The following MAPK6 variants were observed in gnomAD, a reference collection of about 807,000 sequenced individuals.
MAPK6 encodes mitogen-activated protein kinase 6.
A neutral mutation model predicts 59.3 loss-of-function variants in MAPK6; 19 were observed. That is an observed-to-expected ratio of 0.32 (90% CI 0.22 to 0.47). MAPK6 has a LOEUF of 0.47. Ranked by LOEUF, MAPK6 falls within the 20% of genes least tolerant of loss-of-function variation. The pLI, the probability that MAPK6 is intolerant of heterozygous loss-of-function variation, is 1.00. For missense variants in MAPK6, 724 were observed against 847.9 expected (o/e 0.85, Z 1.81); for synonymous variants, 316 against 290.3 (o/e 1.09, Z -0.90).
At chr15:51,992,816 G>A (rs764002074) in intron 2 of MAPK6, among the ~76,000 whole-genome samples, 2 of 152,118 alleles carry the variant, frequency 1.3e-5, no homozygotes, top group African/African-American at 4.8e-5. Context: ...ATGAACAGTC[G>A]GATGGAGGAG....
chr15:51,980,233 T>G (rs1375544898), intron 1 of MAPK6, among the ~76,000 whole-genome samples: 2 of 149,344 alleles, frequency 1.3e-5, no homozygotes, highest in South Asian at 2.1e-4. Flanking sequence ...AGGCAGATGT[T>G]GTGGTGAGCC....
At chr15:51,994,209 C>G (rs371581256) in intron 2 of MAPK6, among the ~76,000 whole-genome samples, 1 of 152,140 alleles carries the variant, frequency 6.6e-6, no homozygotes. Flanking sequence ...ATCTGCCCAC[C>G]TCACCCTCCT....
At chr15:52,051,570 C>A (rs908923684) in intron 3 of MAPK6, among the ~76,000 whole-genome samples, 4 of 151,986 alleles carry the variant, frequency 2.6e-5, no homozygotes, top group Non-Finnish European at 4.4e-5. Context: ...TAATTTTTTT[C>A]TAATATTTAT....
At chr15:52,038,832 A>C (rs1028042526) in intron 1 of MAPK6, among the ~76,000 whole-genome samples, 26 of 152,232 alleles carry the variant, frequency 1.7e-4, no homozygotes, top group African/African-American at 5.5e-4. Flanking sequence ...ATATTTGTTT[A>C]GTATACAGCA....
At chr15:51,992,541 C>T (rs146529151) in intron 2 of MAPK6, among the ~76,000 whole-genome samples, 2,692 of 151,590 alleles carry the variant, frequency 0.018, 79 homozygotes, top group African/African-American at 0.062. Flanking sequence ...TCTGACCTTG[C>T]GATCCACCCA....
At chr15:52,032,573 G>C (rs1191890911) in intron 1 of MAPK6, among the ~76,000 whole-genome samples, 1 of 151,902 alleles carries the variant, frequency 6.6e-6, no homozygotes, top group Non-Finnish European at 1.5e-5. Context: ...GTAGATCTGG[G>C]GTTAGTTACA....
intron 1 of MAPK6, among the ~76,000 whole-genome samples, chr15:52,034,994 G>A (rs376701604): frequency 6.6e-6 from 1 of 152,176 alleles, no homozygotes; most frequent in African/African-American, 2.4e-5. Flanking sequence ...GAGCCACTGC[G>A]CCTGGCCTTG....
intron 1 of MAPK6, among the ~76,000 whole-genome samples, chr15:52,041,432 G>A (rs1426129809): frequency 1.3e-5 from 2 of 152,166 alleles, no homozygotes; most frequent in Non-Finnish European, 2.9e-5. Context: ...TGGACCTCAG[G>A]TGATCTGCCC....
chr15:52,046,756 C>A lies in MAPK6; in HGVS notation c.296C>A (p.Thr99Lys). 1 of 1,614,120 alleles carries A rather than the reference C, an allele frequency of 6.2e-7. No individual in the cohort carries two copies. Among genetic ancestry groups the A allele is most frequent in the Non-Finnish European group, 8.5e-7 (1 of 1,179,990 alleles). ...SQLTDDVGSL[T>K]ELNSVYIVQE... ...TTAACAGACGATGTGGGCTCTCTTACGGAACTGAACAGTGTTTACATTGTT... is the reference window on the plus strand; with the variant it reads ...TTAACAGACGATGTGGGCTCTCTTAAGGAACTGAACAGTGTTTACATTGTT... Residue 99 changes from threonine (T) to lysine (K), a missense_variant, in exon 2 of 6, where the codon ACG becomes AAG. Physicochemically the swap from Thr to Lys is moderately conservative, Grantham distance 78. Coordinates refer to ENST00000261845, the MANE Select transcript of MAPK6 (RefSeq NM_002748.4).
chr15:52,043,742 ATTTTTTTTTTTTTT>A (rs71130125), intron 1 of MAPK6, among the ~76,000 whole-genome samples: 2,266 of 41,058 alleles, frequency 0.055, 98 homozygotes, highest in East Asian at 0.21. Context: ...AAGTTGTTTG[ATTTTTTTTTTTTTT>A]TTTTTTTTTT....
intron 1 of MAPK6, among the ~76,000 whole-genome samples, chr15:52,045,375 G>A (rs1232416128): frequency 6.6e-6 from 1 of 152,108 alleles, no homozygotes; most frequent in Non-Finnish European, 1.5e-5. Flanking sequence ...TTGCATATTT[G>A]TGCTGTTAGA....
At chr15:52,009,701 A>G (rs970956742) in intron 3 of MAPK6, among the ~76,000 whole-genome samples, 1 of 152,190 alleles carries the variant, frequency 6.6e-6, no homozygotes, top group African/African-American at 2.4e-5. Context: ...TAAAAAGTAA[A>G]TGTATAGTTT....
At chr15:51,973,348 A>C (rs902091173) in intron 1 of MAPK6, among the ~76,000 whole-genome samples, 2 of 151,956 alleles carry the variant, frequency 1.3e-5, no homozygotes, top group African/African-American at 4.8e-5. Flanking sequence ...TACTTTGATT[A>C]AATTTATTTT....
intron 3 of MAPK6, among the ~76,000 whole-genome samples, chr15:52,055,586 G>A (rs1555399999): frequency 6.6e-6 from 1 of 152,162 alleles, no homozygotes; most frequent in Non-Finnish European, 1.5e-5. Flanking sequence ...CATGAGCTCA[G>A]CTAACTGAAA....
intron 3 of MAPK6, chr15:52,056,904 G>A (rs772464006): frequency 2.6e-5 from 4 of 152,096 alleles, no homozygotes; most frequent in Non-Finnish European, 1.5e-5. Context: ...TGAATTCCAG[G>A]TTCCTTAACT....
chr15:52,021,718 A>G (rs954671195), intron 1 of MAPK6, among the ~76,000 whole-genome samples: 3 of 152,164 alleles, frequency 2.0e-5, no homozygotes, highest in African/African-American at 7.2e-5. Flanking sequence ...TTTATTGGTT[A>G]TGTGAAAGTT....
intron 1 of MAPK6, among the ~76,000 whole-genome samples, chr15:52,043,983 C>A (rs2031518782): frequency 6.6e-6 from 1 of 151,766 alleles, no homozygotes; most frequent in African/African-American, 2.4e-5. Flanking sequence ...ACCATATTGG[C>A]CAGGCTGGTC....
chr15:51,973,704 G>A (rs888060058), intron 1 of MAPK6, among the ~76,000 whole-genome samples: 4 of 151,800 alleles, frequency 2.6e-5, no homozygotes, highest in South Asian at 2.1e-4. Flanking sequence ...CCAGGCTGGA[G>A]TACAATGGCG....
chr15:51,998,003 G>A (rs578020346), intron 2 of MAPK6, among the ~76,000 whole-genome samples: 1 of 150,658 alleles, frequency 6.6e-6, no homozygotes, highest in East Asian at 1.9e-4. Context: ...GAGTGCAGTG[G>A]CATGATCTCA....
Sources: allele counts gnomAD v4.1 joint callset (sites outside exome capture counted in the v4.1 genomes callset), GRCh38; gene constraint gnomAD v4.1.1; transcripts MANE v1.5; gene names NCBI Gene and HGNC (gene_info 2026-07-23, HGNC 2026-07-21).